Variants in CDH13 observed in about 807,000 individuals in gnomAD.
CDH13 encodes the protein cadherin-13.
Under a neutral mutation model 63.8 loss-of-function variants are expected in CDH13, and 24 were observed. The ratio of observed to expected loss-of-function variants is 0.38; its 90% CI spans 0.27 to 0.53. The LOEUF is 0.53. Among genes scored for constraint, CDH13 ranks in the 20% least tolerant of loss-of-function variants. The pLI, the probability that CDH13 is intolerant of heterozygous loss-of-function variation, is 0.85. For missense variants in CDH13, 1,049 were observed against 903.1 expected (o/e 1.16, Z -2.07); for synonymous variants, 503 against 355.3 (o/e 1.42, Z -4.67).
chr16:83,253,725 G>A (rs1008141701), intron 5 of CDH13, among the ~76,000 whole-genome samples: 8 of 152,190 alleles, frequency 5.3e-5, no homozygotes, highest in Non-Finnish European at 8.8e-5. Flanking sequence ...ACAGGGGCTG[G>A]CACTGTTCTC....
Position 83,711,666 on chromosome 16 carries a change from C to A in CDH13, c.1538+33205C>A, listed in dbSNP as rs551365287. Among the ~76,000 whole-genome samples, 5 of 152,242 alleles carry A rather than the reference C, an allele frequency of 3.3e-5. No homozygotes were observed. The South Asian group carries it at 8.3e-4, about 25-fold the overall frequency. On this transcript the variant is annotated intron_variant, in intron 10 of 13. Coordinates refer to ENST00000567109, the MANE Select transcript of CDH13 (RefSeq NM_001257.5). ...AAGTAGCTGGGATTACGTGTGCATA[C>A]CACTACCACCTGGCTAATTTTTGTA...
chr16:82,977,346 T>C (rs899212210), intron 2 of CDH13, among the ~76,000 whole-genome samples: 24 of 152,136 alleles, frequency 1.6e-4, no homozygotes, highest in African/African-American at 5.1e-4. Flanking sequence ...ACCATCAGCA[T>C]TAAGTCACCC....
Position 83,002,762 on chromosome 16 carries a change from G to A in CDH13, c.158-29248G>A, listed in dbSNP as rs142405850. The stretch of plus-strand genomic sequence containing the variant: ...CTGGGAGGAGGTGAGGGAATGTGCC[G>A]TGTAGGTATGTGGAGGAAAAGCTGT... On this transcript the variant is annotated intron_variant, in intron 2 of 13. Coordinates refer to ENST00000567109, the MANE Select transcript of CDH13 (RefSeq NM_001257.5). 9.1e-3 allele frequency among the ~76,000 whole-genome samples: 1,387 copies of A among 152,256 alleles called. 11 individuals carry two copies. The highest frequency in any genetic ancestry group is 0.017 in the South Asian group (81 of 4,818).
intron 2 of CDH13, among the ~76,000 whole-genome samples, chr16:82,925,453 T>A (rs1299140016): frequency 2.0e-5 from 3 of 152,320 alleles, no homozygotes; most frequent in African/African-American, 7.2e-5. Context: ...CAGCTTTATG[T>A]CAATCAGCAT....
intron 6 of CDH13, among the ~76,000 whole-genome samples, chr16:83,470,649 TCTG>T (rs971914630): frequency 1.3e-5 from 2 of 152,134 alleles, no homozygotes; most frequent in African/African-American, 2.4e-5. Context: ...TTCTACCCCT[TCTG>T]CTGCTCCAAA....
intron 6 of CDH13, among the ~76,000 whole-genome samples, chr16:83,450,986 C>T (rs976724512): frequency 1.3e-5 from 2 of 152,130 alleles, no homozygotes; most frequent in African/African-American, 4.8e-5. Context: ...TGAGCCGCAC[C>T]CCCAGAGTTA....
At chr16:82,963,924 G>C (rs552113460) in intron 2 of CDH13, among the ~76,000 whole-genome samples, 2 of 152,302 alleles carry the variant, frequency 1.3e-5, no homozygotes, top group African/African-American at 2.4e-5. Flanking sequence ...TGCTCTCACA[G>C]TTGGACTCAG....
At chr16:83,477,461 G>C (rs2073634912) in intron 6 of CDH13, among the ~76,000 whole-genome samples, 1 of 152,160 alleles carries the variant, frequency 6.6e-6, no homozygotes, top group Non-Finnish European at 1.5e-5. Flanking sequence ...TCATTTTAAA[G>C]AGCACAGTTG....
chr16:83,332,241 A>G (rs1256140384), intron 5 of CDH13, among the ~76,000 whole-genome samples: 1 of 152,096 alleles, frequency 6.6e-6, no homozygotes, highest in Non-Finnish European at 1.5e-5. Context: ...TTAATCTGTC[A>G]GTAATTCACG....
intron 6 of CDH13, among the ~76,000 whole-genome samples, chr16:83,479,395 G>A (rs750783558): frequency 1.3e-5 from 2 of 152,096 alleles, no homozygotes; most frequent in East Asian, 1.9e-4. Flanking sequence ...AGCTGGGCGC[G>A]GTGGTTCACA....
chr16:83,789,606 C>G (rs1170410101), intron 13 of CDH13, among the ~76,000 whole-genome samples: 2 of 151,386 alleles, frequency 1.3e-5, no homozygotes, highest in Non-Finnish European at 2.9e-5. Flanking sequence ...ACCTCAGCCT[C>G]CCGAAGTGCT....
intron 8 of CDH13, among the ~76,000 whole-genome samples, chr16:83,647,573 C>T (rs957862546): frequency 3.3e-5 from 5 of 152,168 alleles, no homozygotes. Context: ...ATGAGCTGGG[C>T]TTCTGCAAAA....
At chr16:83,668,951 G>T (rs914281741) in intron 8 of CDH13, among the ~76,000 whole-genome samples, 14 of 152,138 alleles carry the variant, frequency 9.2e-5, no homozygotes, top group African/African-American at 3.4e-4. Context: ...CATTCACAAG[G>T]GTAGGTCATG....
chr16:83,780,725 T>G (rs549119467), intron 12 of CDH13, among the ~76,000 whole-genome samples: 200 of 152,306 alleles, frequency 1.3e-3, no homozygotes, highest in African/African-American at 4.5e-3. Flanking sequence ...TTAATTAAAC[T>G]CCACAGATTC....
rs1028226641 is a variant in CDH13, at chr16:83,748,907, A to G, written c.1681+657A>G. ...CCTTTGAGATCAGACTGTAGGGCACAAGGGCAGAAGGAGGGCAACCTCTTA... is the reference window on the plus strand; with the variant it reads ...CCTTTGAGATCAGACTGTAGGGCACGAGGGCAGAAGGAGGGCAACCTCTTA... On this transcript the variant is annotated intron_variant, in intron 11 of 13. Transcript: ENST00000567109. 1.3e-5 allele frequency among the ~76,000 whole-genome samples: 2 copies of G among 152,198 alleles called. 1 individual carries two copies. The highest frequency in any genetic ancestry group is 1.3e-4 in the Admixed American group (2 of 15,274).
At chr16:83,356,852 G>C (rs528890690) in intron 6 of CDH13, among the ~76,000 whole-genome samples, 19 of 152,024 alleles carry the variant, frequency 1.2e-4, no homozygotes, top group Non-Finnish European at 2.6e-4. Context: ...TTTAATTATG[G>C]GTGCATTTTT....
intron 7 of CDH13, among the ~76,000 whole-genome samples, chr16:83,577,894 T>A (rs1905200628): frequency 6.6e-6 from 1 of 152,206 alleles, no homozygotes; most frequent in Admixed American, 6.5e-5. Flanking sequence ...GCTGTTAATA[T>A]CTTGCTGTAT....
intron 7 of CDH13, among the ~76,000 whole-genome samples, chr16:83,488,863 G>A (rs975190156): frequency 6.6e-6 from 1 of 152,162 alleles, no homozygotes; most frequent in Non-Finnish European, 1.5e-5. Context: ...GACCTTAGGT[G>A]ATCTGCCCAC....
intron 6 of CDH13, among the ~76,000 whole-genome samples, chr16:83,475,158 A>C (rs2073568922): frequency 6.6e-6 from 1 of 152,240 alleles, no homozygotes; most frequent in South Asian, 2.1e-4. Flanking sequence ...ACAACAGAGC[A>C]CTAAACCCAG....
Sources: gnomAD v4.1 joint callset for allele counts (sites outside exome capture counted in the v4.1 genomes callset) on GRCh38, gnomAD v4.1.1 for gene constraint, MANE v1.5 for transcripts, NCBI Gene and HGNC (gene_info 2026-07-23, HGNC 2026-07-21) for gene names.